MAP2K3: variants seen among roughly 807,000 people sequenced by gnomAD.
The protein encoded by MAP2K3 is dual specificity mitogen-activated protein kinase kinase 3.
In MAP2K3, 30 loss-of-function variants were observed where a neutral mutation model predicts 46.4. The ratio of observed to expected loss-of-function variants is 0.65; its 90% CI spans 0.48 to 0.88. MAP2K3 has a LOEUF of 0.88. MAP2K3 is among the 40% of genes least tolerant of loss of function. The pLI is 0.00. For synonymous variants in MAP2K3, 189 were observed against 176.3 expected, an observed-to-expected ratio of 1.07 and a Z score of -0.57; for missense variants, 380 against 464.5, an observed-to-expected ratio of 0.82 and a Z score of 1.67.
Position 21,298,531 on chromosome 17 carries a change from A to G in MAP2K3, c.116+52A>G, listed in dbSNP as rs1334701523. 3.7e-6 allele frequency: 6 copies of G among 1,613,952 alleles called. No homozygotes were observed. In the African/African-American group the frequency reaches 8.0e-5, roughly 22 times the overall value. On this transcript the variant is annotated intron_variant, in intron 2 of 11. Coordinates refer to ENST00000342679, the MANE Select transcript of MAP2K3 (RefSeq NM_145109.3). The stretch of plus-strand genomic sequence containing the variant: ...CTCACCCTGGAGAGGCTTCCCGAAC[A>G]GGGCTCAATGGAAGGAGTGAGAGGC...
chr17:21,289,139 C>T (rs1975809449), intron 1 of MAP2K3, among the ~76,000 whole-genome samples: 1 of 152,200 alleles, frequency 6.6e-6, no homozygotes, highest in South Asian at 2.1e-4. Context: ...CTGTAGGGTC[C>T]TTTCACGCAG....
At chr17:21,286,264 C>T (rs561047975) in intron 1 of MAP2K3, among the ~76,000 whole-genome samples, 3 of 152,250 alleles carry the variant, frequency 2.0e-5, no homozygotes, top group Non-Finnish European at 4.4e-5. Flanking sequence ...CTGGAAAGGC[C>T]TCCACTGCTG....
At chr17:21,311,248 C>G (rs966558562) in intron 9 of MAP2K3, among the ~76,000 whole-genome samples, 7 of 152,152 alleles carry the variant, frequency 4.6e-5, no homozygotes, top group African/African-American at 1.7e-4. Context: ...AGTGAGGGCC[C>G]TTGTGCTGGA....
At chr17:21,295,649 T>A in intron 1 of MAP2K3, 1 of 1,289,462 alleles carries the variant, frequency 7.8e-7, no homozygotes, top group Middle Eastern at 2.2e-4. Context: ...GTGGCCCTCC[T>A]GATGCAGGCT....
At chr17:21,287,923 C>T (rs985645758) in intron 1 of MAP2K3, 5 of 788,048 alleles carry the variant, frequency 6.3e-6, no homozygotes, top group South Asian at 2.8e-5. Context: ...ACCCCCCCAA[C>T]CCCTGGCTGT....
chr17:21,306,967 G>A (rs1976918164), intron 9 of MAP2K3, among the ~76,000 whole-genome samples: 1 of 152,298 alleles, frequency 6.6e-6, no homozygotes, highest in African/African-American at 2.4e-5. Flanking sequence ...TTAATGTTTT[G>A]TAGAAAAGGG....
rs1555547354 is a variant in MAP2K3, at chr17:21,291,373, C to CAACACAACAT, written c.49+6409_49+6410insAACATAACAC. 1,240 of 439,986 alleles carry CAACACAACAT rather than the reference C, an allele frequency of 2.8e-3. 16 individuals are homozygous for CAACACAACAT. Among genetic ancestry groups the CAACACAACAT allele is most frequent in the African/African-American group, 0.023 (1,160 of 49,852 alleles). 27.3% of individuals were successfully genotyped at this position (439,986 alleles called of 1,614,324 possible). ...CAACACAACACAACACAACACAACA[C>CAACACAACAT]AACACGTAGTGATAACAGTGAAGCA... On this transcript the variant is annotated intron_variant, in intron 1 of 11. Coordinates refer to ENST00000342679, the MANE Select transcript of MAP2K3 (RefSeq NM_145109.3).
chr17:21,304,884 G>A (rs1369197448), intron 8 of MAP2K3, among the ~76,000 whole-genome samples, 167 bp from the exon 9 acceptor site: 1 of 152,310 alleles, frequency 6.6e-6, no homozygotes, highest in Non-Finnish European at 1.5e-5. Context: ...CCGATGCAAG[G>A]GTTGGGCCTT....
intron 9 of MAP2K3, among the ~76,000 whole-genome samples, chr17:21,309,208 T>C (rs1619001): frequency 3.3e-5 from 5 of 152,310 alleles, no homozygotes; most frequent in Admixed American, 1.3e-4. Context: ...TCTTTCATGA[T>C]GGCTGGCATC....
intron 3 of MAP2K3, among the ~76,000 whole-genome samples, chr17:21,299,681 CAAAAAA>C (rs68190120): frequency 1.9e-4 from 25 of 132,976 alleles, no homozygotes; most frequent in African/African-American, 3.1e-4. Context: ...GACCCCGTTT[CAAAAAA>C]AAAAAAAAAA....
In MAP2K3 at chr17:21,298,946, C is replaced by T; in HGVS notation, c.165+20C>T. 1 of 1,613,598 alleles carries T rather than the reference C, an allele frequency of 6.2e-7. No individual in the cohort carries two copies. The highest frequency in any genetic ancestry group is 8.5e-7 in the Non-Finnish European group (1 of 1,179,542). On this transcript the variant is annotated intron_variant, in intron 3 of 11. Coordinates refer to ENST00000342679, the MANE Select transcript of MAP2K3 (RefSeq NM_145109.3). ...GACAGAGTAGGTGCCAGCCGCCACC[C>T]CTGCAGGGCCTCTCACTTCACCTGA...
intron 1 of MAP2K3, among the ~76,000 whole-genome samples, chr17:21,289,765 G>C (rs1217527777): frequency 6.6e-6 from 1 of 152,254 alleles, no homozygotes; most frequent in Admixed American, 6.5e-5. Context: ...GCAGCTTCCA[G>C]ATACCAAGCC....
At chr17:21,299,072 G>A in intron 3 of MAP2K3, 146 bp downstream of exon 3, 1 of 1,007,062 alleles carries the variant, frequency 9.9e-7, no homozygotes, top group Non-Finnish European at 1.4e-6. Flanking sequence ...TGCGCTGCTG[G>A]CTGTGTGGCC....
intron 9 of MAP2K3, among the ~76,000 whole-genome samples, chr17:21,309,920 T>C (rs72838557): frequency 3.3e-5 from 5 of 152,048 alleles, no homozygotes; most frequent in Non-Finnish European, 7.4e-5. Flanking sequence ...TGCTTCTTTT[T>C]AAAAAACTTT....
At chr17:21,296,021 C>T (rs1027198510) in intron 1 of MAP2K3, 4 of 1,280,504 alleles carry the variant, frequency 3.1e-6, no homozygotes, top group East Asian at 5.6e-5. Context: ...AAAAGCCTGA[C>T]ATCAGGAATA....
intron 1 of MAP2K3, among the ~76,000 whole-genome samples, chr17:21,294,214 T>TACCAGACCCCGTG (rs1351047084): frequency 2.6e-5 from 4 of 152,306 alleles, no homozygotes; most frequent in African/African-American, 9.6e-5. Flanking sequence ...CGCCTCTTGC[T>TACCAGACCCCGTG]GCTCACATCT....
In MAP2K3 at chr17:21,296,313, G is replaced by A. The variant is rs1429571976; in HGVS notation, c.50-2100G>A. On this transcript the variant is annotated intron_variant, in intron 1 of 11. Coordinates refer to ENST00000342679, the MANE Select transcript of MAP2K3 (RefSeq NM_145109.3). ...CAGAGCTGGAGTTTACCACGGCTGCGCCACTCCAAGCCCAGAGCCTCAGAA... is the reference window on the plus strand; with the variant it reads ...CAGAGCTGGAGTTTACCACGGCTGCACCACTCCAAGCCCAGAGCCTCAGAA... 1.6e-5 allele frequency: 11 copies of A among 671,004 alleles called. No homozygotes were observed. In the East Asian group the frequency reaches 2.7e-4, roughly 16 times the overall value. 41.6% of individuals were successfully genotyped at this position (671,004 alleles called of 1,614,324 possible).
intron 9 of MAP2K3, among the ~76,000 whole-genome samples, chr17:21,309,058 A>C (rs1977037834): frequency 6.6e-6 from 1 of 152,312 alleles, no homozygotes; most frequent in Non-Finnish European, 1.5e-5. Flanking sequence ...GGCTGGGGTC[A>C]TGGCTGGGCT....
chr17:21,311,046 C>T (rs1046386161), intron 9 of MAP2K3, among the ~76,000 whole-genome samples: 47 of 152,158 alleles, frequency 3.1e-4, no homozygotes, highest in African/African-American at 1.0e-3. Context: ...CCTGTGAACA[C>T]GCATGCACAC....
Sources: gnomAD v4.1 joint callset for allele counts (sites outside exome capture counted in the v4.1 genomes callset) on GRCh38, gnomAD v4.1.1 for gene constraint, MANE v1.5 for transcripts, NCBI Gene and HGNC (gene_info 2026-07-23, HGNC 2026-07-21) for gene names.